P4HA1: variants seen among roughly 807,000 people sequenced by gnomAD.
P4HA1 encodes prolyl 4-hydroxylase subunit alpha-1.
In P4HA1, 24 loss-of-function variants were observed where a neutral mutation model predicts 72.8. The ratio of observed to expected loss-of-function variants is 0.33; its 90% confidence interval spans 0.24 to 0.46. The LOEUF is 0.46. P4HA1 is among the 20% of genes least tolerant of loss of function. The probability of loss-of-function intolerance (pLI) is 1.00; values close to 1 mark genes in which losing one functional copy is unlikely to be tolerated. For synonymous variants in P4HA1, 201 were observed against 218.8 expected, an observed-to-expected ratio of 0.92 and a Z score of 0.72; for missense variants, 446 against 640.6, an observed-to-expected ratio of 0.70 and a Z score of 3.28.
chr10:73,018,353 C>G (rs1323641992), intron 10 of P4HA1, among the ~76,000 whole-genome samples: 2 of 152,196 alleles, frequency 1.3e-5, no homozygotes, highest in African/African-American at 4.8e-5. Context: ...CCCAGAGACC[C>G]AGGGAAACAG....
At chr10:73,010,518 T>A (rs1250805143) in intron 13 of P4HA1, among the ~76,000 whole-genome samples, 1 of 152,166 alleles carries the variant, frequency 6.6e-6, no homozygotes, top group Non-Finnish European at 1.5e-5. Context: ...TAAATACTAA[T>A]TCCTGGTCAT....
chr10:73,074,344 G>T (rs1156513654), intron 2 of P4HA1, among the ~76,000 whole-genome samples: 1 of 152,094 alleles, frequency 6.6e-6, no homozygotes, highest in Non-Finnish European at 1.5e-5. Context: ...GGCCAGGCGT[G>T]GCAGCTCATG....
intron 6 of P4HA1, among the ~76,000 whole-genome samples, chr10:73,053,143 C>T (rs1332898532): frequency 2.0e-5 from 3 of 152,142 alleles, no homozygotes; most frequent in African/African-American, 7.2e-5. Flanking sequence ...CAAAGAAACA[C>T]AACCACTGTT....
At chr10:73,064,438 G>C (rs1448359213) in intron 5 of P4HA1, among the ~76,000 whole-genome samples, 1 of 152,100 alleles carries the variant, frequency 6.6e-6, no homozygotes, top group Non-Finnish European at 1.5e-5. Flanking sequence ...TTGTGCCACT[G>C]CACTCCAGCC....
intron 14 of P4HA1, among the ~76,000 whole-genome samples, chr10:73,008,579 A>C (rs118191250): frequency 6.6e-6 from 1 of 152,170 alleles, no homozygotes; most frequent in Admixed American, 6.5e-5. Context: ...CCAATGTTCA[A>C]TGTGAGGCTT....
At chr10:73,087,194 A>T (rs1841940396) in intron 1 of P4HA1, among the ~76,000 whole-genome samples, 1 of 151,718 alleles carries the variant, frequency 6.6e-6, no homozygotes, top group Non-Finnish European at 1.5e-5. Flanking sequence ...TAATTTTCAC[A>T]ATAGACATAT....
intron 1 of P4HA1, among the ~76,000 whole-genome samples, chr10:73,081,495 A>T (rs1472515817): frequency 2.0e-5 from 3 of 152,214 alleles, no homozygotes; most frequent in Admixed American, 2.0e-4. Flanking sequence ...ATCCTACCAG[A>T]AAACATTTTC....
intron 1 of P4HA1, among the ~76,000 whole-genome samples, chr10:73,091,250 C>T (rs182861719): frequency 2.5e-3 from 383 of 151,988 alleles, no homozygotes; most frequent in African/African-American, 8.8e-3. Flanking sequence ...AGGTCACACA[C>T]ACAAGTAACA....
At chr10:73,044,031 G>A in intron 9 of P4HA1, 2 of 1,096,564 alleles carry the variant, frequency 1.8e-6, no homozygotes, top group Non-Finnish European at 2.8e-6. Context: ...GTTTTGTTTT[G>A]CCAAGCCACA....
intron 1 of P4HA1, among the ~76,000 whole-genome samples, chr10:73,085,406 A>C (rs1841906006): frequency 6.6e-6 from 1 of 151,024 alleles, no homozygotes; most frequent in African/African-American, 2.4e-5. Context: ...TTTTTGAGAC[A>C]GAGTTTTGCT....
chr10:73,093,070 TGGTC>T (rs1348873523), intron 1 of P4HA1, among the ~76,000 whole-genome samples: 1 of 150,116 alleles, frequency 6.7e-6, no homozygotes, highest in African/African-American at 2.5e-5. Context: ...CAGTGAGCTA[TGGTC>T]ACACCACTGC....
At chr10:73,022,847 T>C (rs1234412215) in intron 10 of P4HA1, among the ~76,000 whole-genome samples, 4 of 152,180 alleles carry the variant, frequency 2.6e-5, no homozygotes, top group African/African-American at 9.7e-5. Context: ...TCATGGTGCA[T>C]GCACAAGCTT....
chr10:73,074,704 T>C (rs1389360895), intron 2 of P4HA1, 104 bp downstream of exon 2: 12 of 682,370 alleles, frequency 1.8e-5, no homozygotes, highest in Middle Eastern at 3.8e-4. Context: ...AATAAACCTA[T>C]ACTCTAGGAA....
At chr10:73,025,799 A>G (rs1422190425) in intron 10 of P4HA1, among the ~76,000 whole-genome samples, 1 of 152,216 alleles carries the variant, frequency 6.6e-6, no homozygotes, top group Non-Finnish European at 1.5e-5. Flanking sequence ...AAAAATCACA[A>G]GCATTCCTAT....
chr10:73,054,978 T>C (rs1296459330), intron 5 of P4HA1, among the ~76,000 whole-genome samples: 1 of 152,056 alleles, frequency 6.6e-6, no homozygotes, highest in Non-Finnish European at 1.5e-5. Context: ...TGTAATCCAG[T>C]GTTTGGGAGG....
At chr10:73,025,640 G>C (rs900075187) in intron 10 of P4HA1, among the ~76,000 whole-genome samples, 2 of 151,978 alleles carry the variant, frequency 1.3e-5, no homozygotes, top group African/African-American at 2.4e-5. Flanking sequence ...AAGAAATAAA[G>C]GGTATTCAAT....
chr10:73,047,317 C>T (rs953894873), intron 7 of P4HA1, among the ~76,000 whole-genome samples: 1 of 151,526 alleles, frequency 6.6e-6, no homozygotes, highest in African/African-American at 2.4e-5. Context: ...GTGAGAGAGG[C>T]GAGGTCTTAA....
chr10:73,046,883 AG>A (rs1362740875), intron 8 of P4HA1, 41 bp downstream of exon 8: 1 of 1,344,012 alleles, frequency 7.4e-7, no homozygotes, highest in African/African-American at 1.5e-5. Flanking sequence ...ATTGATACAA[AG>A]GTACAGTAAA....
chr10:73,072,631 T>C (rs550570517), intron 3 of P4HA1, among the ~76,000 whole-genome samples: 1 of 152,310 alleles, frequency 6.6e-6, no homozygotes, highest in South Asian at 2.1e-4. Flanking sequence ...AACTGAACAC[T>C]TAGCTACTCA....
Sources: allele counts gnomAD v4.1 joint callset (sites outside exome capture counted in the v4.1 genomes callset), GRCh38; gene constraint gnomAD v4.1.1; transcripts MANE v1.5; gene names NCBI Gene and HGNC (gene_info 2026-07-23, HGNC 2026-07-21).